TMEM223: variants seen among roughly 807,000 people sequenced by gnomAD.
The protein encoded by TMEM223 is transmembrane protein 223.
In TMEM223, 14 loss-of-function variants were observed where a neutral mutation model predicts 14.1. That is an observed-to-expected ratio of 0.99 (90% CI 0.66 to 1.55). The LOEUF is 1.55. Among genes scored for constraint, TMEM223 ranks in the 40% most tolerant of loss-of-function variants. The pLI is 0.00. For synonymous variants in TMEM223, 145 were observed against 120.5 expected (o/e 1.20, Z -1.33); for missense variants, 346 against 269.9 (o/e 1.28, Z -1.97).
chr11:62,772,633 C>T (rs2084156973), intron 2 of TMEM223, among the ~76,000 whole-genome samples: 1 of 151,318 alleles, frequency 6.6e-6, no homozygotes, highest in Admixed American at 6.6e-5. Flanking sequence ...AGTTCCAGAC[C>T]AGCTTGGCTA....
downstream of TMEM223, among the ~76,000 whole-genome samples, chr11:62,785,409 G>T (rs919754592): frequency 2.0e-5 from 3 of 150,170 alleles, no homozygotes; most frequent in African/African-American, 7.4e-5. Context: ...GCCAGGGCTC[G>T]TCTCGAACTC....
chr11:62,775,882 G>A (rs199626008), intron 1 of TMEM223: 32 of 1,613,990 alleles, frequency 2.0e-5, no homozygotes, highest in Non-Finnish European at 2.3e-5. Flanking sequence ...ATGAGGTGGC[G>A]GCGCTGCTCG....
At chr11:62,781,992 G>C (rs1292364168) in intron 1 of TMEM223, 2 of 1,612,732 alleles carry the variant, frequency 1.2e-6, no homozygotes, top group Admixed American at 1.7e-5. Context: ...CTGGGACAGG[G>C]AGAATGTTTT....
exon 3 of TMEM223, chr11:62,771,921 A>G (rs2084150860): frequency 2.8e-6 from 1 of 354,108 alleles, no homozygotes; most frequent in Non-Finnish European, 5.6e-6. Flanking sequence ...TGGCGGGTCT[A>G]GGGTCACCAA....
chr11:62,778,783 G>C (rs1158845279), intron 1 of TMEM223: 8 of 1,103,410 alleles, frequency 7.3e-6, no homozygotes, highest in African/African-American at 4.6e-5. Flanking sequence ...TGTGTGTGGG[G>C]ATGGTGGTTG....
chr11:62,790,352 A>G lies in TMEM223; in HGVS notation c.*271T>C. The G allele has an allele frequency of 1.8e-6, 1 of 544,812 alleles. No homozygotes were observed. The highest frequency in any genetic ancestry group is 3.2e-6 in the Non-Finnish European group (1 of 311,894). 33.7% of individuals were successfully genotyped at this position (544,812 alleles called of 1,614,324 possible). A position where few individuals can be genotyped will look rare whatever the true frequency, so the allele number is the denominator to read the frequency against. On this transcript the variant is annotated 3_prime_UTR_variant, in exon 2 of 2. Transcript: ENST00000307366. ...GTACTGTTAGGCAGCTGCCCTAGGG[A>G]TGACTGCTCCTTTATTTGTTGTTAA...
intron 1 of TMEM223, chr11:62,778,422 G>C (rs539115165): frequency 4.7e-6 from 7 of 1,484,948 alleles, no homozygotes; most frequent in Admixed American, 3.5e-5. Flanking sequence ...CCGAGTCTGC[G>C]TCTAACATGT....
downstream of TMEM223, chr11:62,789,858 C>G: frequency 6.2e-7 from 1 of 1,604,446 alleles, no homozygotes. Context: ...GGTCCCACTC[C>G]TGACGATCCT....
chr11:62,779,970 A>ATTTTT (rs1263442687), intron 1 of TMEM223, among the ~76,000 whole-genome samples: 5 of 64,406 alleles, frequency 7.8e-5, no homozygotes, highest in African/African-American at 1.8e-4. Flanking sequence ...ATATATATAT[A>ATTTTT]TATATATTTT....
At chr11:62,789,181 C>G (rs1205615088), downstream of TMEM223, 12 of 1,614,102 alleles carry the variant, frequency 7.4e-6, no homozygotes, top group African/African-American at 2.7e-5. Context: ...TCTTCTGGAT[C>G]TACAGCAGCT....
chr11:62,782,861 A>G, downstream of TMEM223: 2 of 1,606,040 alleles, frequency 1.2e-6, no homozygotes, highest in Non-Finnish European at 1.7e-6. Context: ...AGCCGTAAGA[A>G]CTCCCATTTG....
chr11:62,783,414 G>A (rs1403905423), downstream of TMEM223, among the ~76,000 whole-genome samples: 5 of 151,922 alleles, frequency 3.3e-5, no homozygotes, highest in South Asian at 2.1e-4. Flanking sequence ...CCCGGGAGGC[G>A]GAGCTTGCAG....
At chr11:62,780,814 G>C (rs1465855250) in intron 1 of TMEM223, among the ~76,000 whole-genome samples, 1 of 150,848 alleles carries the variant, frequency 6.6e-6, no homozygotes, top group Non-Finnish European at 1.5e-5. Flanking sequence ...GCATGCGTCT[G>C]TAATCCTAGC....
chr11:62,790,356 C>CTTTATT lies in TMEM223; in HGVS notation c.*266_*267insAATAAA. The CTTTATT allele has an allele frequency of 1.8e-6, 1 of 545,168 alleles. No individual in the cohort carries two copies. The highest frequency in any genetic ancestry group is 3.2e-6 in the Non-Finnish European group (1 of 312,278). 33.8% of individuals were successfully genotyped at this position (545,168 alleles called of 1,614,324 possible). A position where few individuals can be genotyped will look rare whatever the true frequency, so the allele number is the denominator to read the frequency against. ...TGTTAGGCAGCTGCCCTAGGGATGACTGCTCCTTTATTTGTTGTTAATGAA... is the reference window on the plus strand; with the variant it reads ...TGTTAGGCAGCTGCCCTAGGGATGACTTTATTTGCTCCTTTATTTGTTGTTAATGAA... On this transcript the variant is annotated 3_prime_UTR_variant, in exon 2 of 2. Coordinates refer to ENST00000307366, the MANE Select transcript of TMEM223 (RefSeq NM_001080501.3).
At chr11:62,776,931 G>A (rs934171811) in intron 1 of TMEM223, among the ~76,000 whole-genome samples, 61 of 151,496 alleles carry the variant, frequency 4.0e-4, no homozygotes, top group Non-Finnish European at 4.6e-4. Flanking sequence ...GGCGGATCAC[G>A]AAGTCAGGAG....
At chr11:62,787,757 A>G (rs985613514), downstream of TMEM223, 8 of 681,312 alleles carry the variant, frequency 1.2e-5, no homozygotes, top group Non-Finnish European at 1.8e-5. Flanking sequence ...ACGGGTCAGT[A>G]GCGTCTTAAA....
intron 1 of TMEM223, 89 bp from the exon 2 acceptor site, chr11:62,791,004 G>C (rs2134747105): frequency 2.9e-6 from 4 of 1,374,234 alleles, no homozygotes; most frequent in Non-Finnish European, 2.9e-6. Context: ...AGAAATTTGT[G>C]GGATGAAAGT....
downstream of TMEM223, chr11:62,789,775 A>G: frequency 6.6e-7 from 1 of 1,520,748 alleles, no homozygotes; most frequent in Non-Finnish European, 8.9e-7. Context: ...CAGTGAGAGG[A>G]GCTGAAGGGG....
At position 62,781,470 on chromosome 11, in the gene TMEM223, G is replaced by A. The variant is rs1438250620; in HGVS notation, c.315-6805C>T. Among the ~76,000 whole-genome samples the A allele has an allele frequency of 6.6e-5, 10 of 152,022 alleles. No individual in the cohort carries two copies. In the East Asian group the frequency reaches 1.7e-3, roughly 27 times the overall value. On this transcript the variant is annotated intron_variant, in intron 1 of 2. Transcript: ENST00000528367. ...GGGCAGATCACGAGGTCAGGAGATCGCGACCATCCTGGCTAACACGGTGAA... is the reference window on the plus strand; with the variant it reads ...GGGCAGATCACGAGGTCAGGAGATCACGACCATCCTGGCTAACACGGTGAA...
Sources: gnomAD v4.1 joint callset for allele counts (sites outside exome capture counted in the v4.1 genomes callset) on GRCh38, gnomAD v4.1.1 for gene constraint, MANE v1.5 for transcripts, NCBI Gene and HGNC (gene_info 2026-07-23, HGNC 2026-07-21) for gene names.